ZNF618: variants seen among roughly 807,000 people sequenced by gnomAD.
The protein encoded by ZNF618 is zinc finger protein 618, also known as neural precursor cell expressed, developmentally down-regulated 10.
A neutral mutation model predicts 103.0 loss-of-function variants in ZNF618; 34 were observed. The observed-to-expected ratio is 0.33, with a 90% confidence interval of 0.25 to 0.44. ZNF618 has a LOEUF of 0.44. Ranked by LOEUF, ZNF618 falls within the 20% of genes least tolerant of loss-of-function variation. The pLI is 1.00. For missense variants in ZNF618, 1,059 were observed against 1,295.4 expected (o/e 0.82, Z 2.80); for synonymous variants, 551 against 542.2 (o/e 1.02, Z -0.23).
intron 1 of ZNF618, among the ~76,000 whole-genome samples, 198 bp downstream of exon 1, chr9:113,876,611 G>A (rs1244181717): frequency 6.6e-6 from 1 of 151,900 alleles, no homozygotes; most frequent in Non-Finnish European, 1.5e-5. Flanking sequence ...GGAGGGTGGG[G>A]GTGACGAGGG....
intron 10 of ZNF618, among the ~76,000 whole-genome samples, chr9:114,018,543 G>A (rs545894275): frequency 1.3e-5 from 2 of 152,342 alleles, no homozygotes; most frequent in Non-Finnish European, 2.9e-5. Flanking sequence ...CATGGAGTTA[G>A]TAAGATGGGG....
chr9:113,935,933 C>T (rs1468981151), intron 1 of ZNF618, among the ~76,000 whole-genome samples: 1 of 152,146 alleles, frequency 6.6e-6, no homozygotes, highest in African/African-American at 2.4e-5. Context: ...GAGCGTGGGT[C>T]ATCTGAGATC....
At chr9:114,010,810 A>G (rs1183238628) in intron 9 of ZNF618, among the ~76,000 whole-genome samples, 1 of 152,220 alleles carries the variant, frequency 6.6e-6, no homozygotes, top group East Asian at 1.9e-4. Context: ...GTATCTATCT[A>G]GGATCTGGCA....
At chr9:114,024,141 C>T (rs567404231) in intron 10 of ZNF618, among the ~76,000 whole-genome samples, 39 of 152,252 alleles carry the variant, frequency 2.6e-4, no homozygotes, top group African/African-American at 7.2e-4. Context: ...TTCTGTGCTT[C>T]GGTTTGAATA....
At chr9:114,010,307 A>C (rs1842122837) in intron 9 of ZNF618, among the ~76,000 whole-genome samples, 1 of 151,616 alleles carries the variant, frequency 6.6e-6, no homozygotes, top group East Asian at 1.9e-4. Context: ...GTCTCAAAAA[A>C]AAAAAAAAAA....
In ZNF618 at chr9:113,999,751, C is replaced by T. The variant is rs112885441; in HGVS notation, c.433+1397C>T. 2.3e-3 allele frequency among the ~76,000 whole-genome samples: 347 copies of T among 152,366 alleles called. 1 individual carries two copies. Among genetic ancestry groups the T allele is most frequent in the African/African-American group, 7.6e-3 (318 of 41,588 alleles). Reference sequence around the variant, plus strand: ...GCACTTGCTGCCCTAACGCCATCATCGTGCGTTGTCCCTGTGCCAGCTGGC... The same window carrying T: ...GCACTTGCTGCCCTAACGCCATCATTGTGCGTTGTCCCTGTGCCAGCTGGC... On this transcript the variant is annotated intron_variant, in intron 4 of 14. Coordinates refer to ENST00000374126, the MANE Select transcript of ZNF618 (RefSeq NM_001318042.2).
In ZNF618 at chr9:114,016,753, C is replaced by T. The variant is rs1381196805; in HGVS notation, c.813C>T (p.Tyr271=). ...CGKQYKYYTP[Y]QEHVALHAPI... ...AACAGTACAAGTACTACACTCCCTACCAGGAGCATGTGGCCTTACACGCCC... is the reference window on the plus strand; with the variant it reads ...AACAGTACAAGTACTACACTCCCTATCAGGAGCATGTGGCCTTACACGCCC... The change falls in exon 10 of 15, where the codon TAC becomes TAT. Residue 271 remains tyrosine (Y), a synonymous_variant. Transcript: ENST00000374126. The T allele has an allele frequency of 6.2e-7, 1 of 1,613,742 alleles. No homozygotes were observed. Among genetic ancestry groups the T allele is most frequent in the Non-Finnish European group, 8.5e-7 (1 of 1,179,776 alleles).
At chr9:114,013,806 A>G (rs1019978037) in intron 9 of ZNF618, among the ~76,000 whole-genome samples, 2 of 152,212 alleles carry the variant, frequency 1.3e-5, no homozygotes, top group African/African-American at 4.8e-5. Flanking sequence ...TCCTATTCAT[A>G]GTGTGGCTCC....
intron 2 of ZNF618, 88 bp downstream of exon 2, chr9:113,969,248 CCCCT>C: frequency 1.3e-6 from 2 of 1,529,264 alleles, no homozygotes; most frequent in Non-Finnish European, 1.8e-6. Context: ...CCTCATCTTC[CCCCT>C]GGAAGGATGG....
Position 114,050,316 on chromosome 9 carries a change from ATGTG to A in ZNF618, c.*158_*161del. On this transcript the variant is annotated 3_prime_UTR_variant, in exon 15 of 15. Coordinates refer to ENST00000374126, the MANE Select transcript of ZNF618 (RefSeq NM_001318042.2). ...CTGGAAACTTAAGTGCTTTTTTTAT[ATGTG>A]TGTGTGTGCGTGTATGTACACAGCC... The A allele has an allele frequency of 1.1e-6, 1 of 919,930 alleles. No individual in the cohort carries two copies. Among genetic ancestry groups the A allele is most frequent in the Non-Finnish European group, 1.6e-6 (1 of 629,546 alleles). The allele number at this position is 919,930 out of a possible 1,614,324, so 57.0% of individuals were successfully genotyped here. A position where few individuals can be genotyped will look rare whatever the true frequency, so the allele number is the denominator to read the frequency against.
At chr9:114,033,139 G>A (rs1166112357) in intron 12 of ZNF618, among the ~76,000 whole-genome samples, 3 of 152,316 alleles carry the variant, frequency 2.0e-5, no homozygotes, top group South Asian at 2.1e-4. Context: ...GCCGGGCGCC[G>A]TGGCTCACAC....
chr9:113,876,825 AC>A lies in ZNF618; in HGVS notation c.33+418del, dbSNP rs376561851. 8.1e-4 allele frequency among the ~76,000 whole-genome samples: 78 copies of A among 96,614 alleles called. 4 individuals are homozygous for A. In the East Asian group the frequency reaches 0.026, roughly 32 times the overall value. The allele number at this position is 96,614 out of a possible 152,430, so 63.4% of individuals were successfully genotyped here. A position where few individuals can be genotyped will look rare whatever the true frequency, so the allele number is the denominator to read the frequency against. ...CTCTCTGCGCTCGGGGTCCCCGATG[AC>A]CCCCCGGGAGGTCTTTCCCCCCAGG... On this transcript the variant is annotated intron_variant, in intron 1 of 14. Transcript: ENST00000374126.
chr9:113,997,022 C>T (rs574077564), intron 3 of ZNF618, among the ~76,000 whole-genome samples: 49 of 152,144 alleles, frequency 3.2e-4, no homozygotes, highest in African/African-American at 1.1e-3. Context: ...AGATGGTGGA[C>T]GGAAATGAGA....
chr9:113,918,722 C>T (rs192656727), intron 1 of ZNF618, among the ~76,000 whole-genome samples: 8 of 152,238 alleles, frequency 5.3e-5, no homozygotes, highest in African/African-American at 1.7e-4. Flanking sequence ...GCTCCTCTGT[C>T]CTTTGAACAA....
intron 1 of ZNF618, among the ~76,000 whole-genome samples, chr9:113,948,266 T>G (rs7867998): frequency 0.47 from 71,659 of 152,044 alleles, 17,412 homozygotes; most frequent in Non-Finnish European, 0.53. Flanking sequence ...CAGAACTGAT[T>G]CCTCCCAGGC....
chr9:113,958,451 C>G (rs1273448779), intron 1 of ZNF618, among the ~76,000 whole-genome samples: 1 of 152,218 alleles, frequency 6.6e-6, no homozygotes, highest in East Asian at 1.9e-4. Context: ...CTAGGATTAC[C>G]TTCATTTGAA....
intron 1 of ZNF618, among the ~76,000 whole-genome samples, chr9:113,929,744 A>G (rs1157747871): frequency 1.3e-5 from 2 of 152,190 alleles, no homozygotes; most frequent in Non-Finnish European, 2.9e-5. Flanking sequence ...CCAGTACTCT[A>G]TGCTTTAGTG....
At chr9:114,014,795 G>A (rs932133112) in intron 9 of ZNF618, among the ~76,000 whole-genome samples, 16 of 151,992 alleles carry the variant, frequency 1.1e-4, no homozygotes, top group African/African-American at 3.9e-4. Flanking sequence ...TCTTAGGTGA[G>A]TCCTAAGAAT....
chr9:114,016,627 G>A, intron 9 of ZNF618, 68 bp from the exon 10 acceptor site: 2 of 1,267,506 alleles, frequency 1.6e-6, no homozygotes, highest in South Asian at 1.3e-5. Flanking sequence ...TGGGGGGTGG[G>A]AGCACGCTGA....
Sources: gnomAD v4.1 joint callset for allele counts (sites outside exome capture counted in the v4.1 genomes callset) on GRCh38, gnomAD v4.1.1 for gene constraint, MANE v1.5 for transcripts, NCBI Gene and HGNC (gene_info 2026-07-23, HGNC 2026-07-21) for gene names.